GSE1: variants seen among roughly 807,000 people sequenced by gnomAD.
GSE1 encodes the protein genetic suppressor element 1.
In GSE1, 32 loss-of-function variants were observed where a neutral mutation model predicts 112.6. The ratio of observed to expected loss-of-function variants is 0.28; its 90% CI spans 0.21 to 0.38. The LOEUF (loss-of-function observed/expected upper bound fraction) is 0.38. Ranked by LOEUF, GSE1 falls within the 10% of genes least tolerant of loss-of-function variation. The pLI is 1.00. For synonymous variants in GSE1, 1,115 were observed against 735.6 expected (o/e 1.52, Z -8.35); for missense variants, 2,348 against 1,699.2 (o/e 1.38, Z -6.71).
intron 2 of GSE1, among the ~76,000 whole-genome samples, chr16:85,514,373 C>CT (rs34098338): frequency 1.4e-5 from 2 of 146,460 alleles, no homozygotes; most frequent in African/African-American, 5.1e-5. Flanking sequence ...CACCACCCCC[C>CT]CATCCTTTGC....
intron 1 of GSE1, among the ~76,000 whole-genome samples, chr16:85,212,529 C>T (rs756749632): frequency 2.0e-5 from 3 of 152,154 alleles, no homozygotes; most frequent in East Asian, 1.9e-4. Context: ...AGAGGATGAC[C>T]GTGTAAGGAC....
intron 2 of GSE1, among the ~76,000 whole-genome samples, chr16:85,518,315 A>C (rs943260781): frequency 1.3e-5 from 2 of 152,144 alleles, no homozygotes; most frequent in Admixed American, 1.3e-4. Flanking sequence ...TGGATGGGGC[A>C]GATTGTGGAA....
rs1024137025 is a variant in GSE1 at position 85,373,555 on chromosome 16, G to A, written c.2464+15912G>A. Among the ~76,000 whole-genome samples, 2 of 152,104 alleles carry A rather than the reference G, an allele frequency of 1.3e-5. No homozygotes were observed. The highest frequency in any genetic ancestry group is 4.8e-5 in the African/African-American group (2 of 41,406). On this transcript the variant is annotated intron_variant, in intron 2 of 2. Transcript: ENST00000637419. The surrounding 1 kb of genome is among the most constrained non-coding windows in gnomAD (Gnocchi z 5.1). ...CCCTGGGAGAATGGGCTGGGGCACT[G>A]TGTATAGCAGGGATTCAGTGACCGC...
intron 1 of GSE1, 32 bp downstream of exon 1, chr16:85,613,430 T>C: frequency 6.5e-7 from 1 of 1,527,654 alleles, no homozygotes; most frequent in Non-Finnish European, 8.8e-7. Context: ...GGGGACGGGG[T>C]CCTCCCCCCT....
At chr16:85,337,064 C>T (rs1287614170) in intron 1 of GSE1, among the ~76,000 whole-genome samples, 1 of 152,182 alleles carries the variant, frequency 6.6e-6, no homozygotes, top group African/African-American at 2.4e-5. Context: ...ATGCACACAC[C>T]CTGGGTCTGC....
At chr16:85,473,033 G>A (rs2050342504) in intron 2 of GSE1, among the ~76,000 whole-genome samples, 1 of 152,268 alleles carries the variant, frequency 6.6e-6, no homozygotes. Flanking sequence ...GGGGGCACAG[G>A]AGGTGCGCCC....
chr16:85,270,373 C>G (rs1463236834), intron 1 of GSE1, among the ~76,000 whole-genome samples: 1 of 148,884 alleles, frequency 6.7e-6, no homozygotes, highest in African/African-American at 2.4e-5. Context: ...TCCTTCTTCT[C>G]CTGGACATTT....
intron 2 of GSE1, among the ~76,000 whole-genome samples, chr16:85,637,075 C>T (rs565904587): frequency 5.9e-5 from 9 of 152,328 alleles, no homozygotes; most frequent in South Asian, 2.1e-4. Context: ...CCTGTAGAAG[C>T]GCATGATTTG....
intron 2 of GSE1, among the ~76,000 whole-genome samples, chr16:85,450,783 G>A (rs139609033): frequency 9.1e-4 from 139 of 152,024 alleles, no homozygotes; most frequent in African/African-American, 3.1e-3. Context: ...AGGTTTGGCC[G>A]GGCACGGTGG....
At chr16:85,310,895 C>G (rs998951562) in intron 1 of GSE1, among the ~76,000 whole-genome samples, 4 of 151,706 alleles carry the variant, frequency 2.6e-5, no homozygotes, top group Non-Finnish European at 1.5e-5. Context: ...TGTGTGTCTG[C>G]TCAGGGGCTG....
At chr16:85,207,570 G>T (rs1169072231) in intron 1 of GSE1, among the ~76,000 whole-genome samples, 2 of 132,962 alleles carry the variant, frequency 1.5e-5, no homozygotes, top group Non-Finnish European at 3.2e-5. Flanking sequence ...TCTTCTCAGA[G>T]CCTGCAGCCC....
intron 1 of GSE1, among the ~76,000 whole-genome samples, chr16:85,256,849 C>T (rs566533347): frequency 6.6e-6 from 1 of 152,386 alleles, no homozygotes; most frequent in South Asian, 2.1e-4. Flanking sequence ...ACTTATATTT[C>T]AATGAAACGC....
At chr16:85,662,303 AAGAGCAACCGAGCAGGCGAGAGTGTGC>A in intron 9 of GSE1, 1 of 155,108 alleles carries the variant, frequency 6.4e-6, no homozygotes, top group Non-Finnish European at 1.4e-5. Flanking sequence ...GAGAGCCAGG[AAGAGCAACCGAGCAGGCGAGAGTGTGC>A]AGAGGGGAGC....
chr16:85,286,991 C>T (rs1015491763), intron 1 of GSE1, among the ~76,000 whole-genome samples: 3 of 152,220 alleles, frequency 2.0e-5, no homozygotes, highest in African/African-American at 4.8e-5. Context: ...CGGGCTCCAG[C>T]GGGTCACTCT....
intron 2 of GSE1, among the ~76,000 whole-genome samples, chr16:85,385,492 G>T (rs558138065): frequency 6.6e-6 from 1 of 152,260 alleles, no homozygotes; most frequent in South Asian, 2.1e-4. Flanking sequence ...GTGGCAGACA[G>T]CTCCTTCTCG....
chr16:85,657,645 G>T, intron 8 of GSE1, 41 bp downstream of exon 8: 2 of 1,355,400 alleles, frequency 1.5e-6, no homozygotes, highest in Non-Finnish European at 2.0e-6. Context: ...GAGCCTTCAC[G>T]TTCCGATTTG....
chr16:85,338,237 C>T (rs2046547402), intron 1 of GSE1, among the ~76,000 whole-genome samples: 1 of 152,252 alleles, frequency 6.6e-6, no homozygotes, highest in Non-Finnish European at 1.5e-5. Context: ...CTCAGCATCT[C>T]CAGATGCGCC....
At chr16:85,566,936 C>G (rs922278027) in intron 1 of GSE1, among the ~76,000 whole-genome samples, 1 of 152,170 alleles carries the variant, frequency 6.6e-6, no homozygotes, top group African/African-American at 2.4e-5. Flanking sequence ...GGGGCGGTCA[C>G]GTAGGCCTCT....
At chr16:85,589,430 G>C (rs573847462) in intron 1 of GSE1, among the ~76,000 whole-genome samples, 1 of 152,206 alleles carries the variant, frequency 6.6e-6, no homozygotes, top group Non-Finnish European at 1.5e-5. Flanking sequence ...GACACGGCGC[G>C]GGTGGAGCCT....
Sources: gnomAD v4.1 joint callset for allele counts (sites outside exome capture counted in the v4.1 genomes callset) on GRCh38, gnomAD v4.1.1 for gene constraint, Gnocchi (gnomAD v3.1) non-coding constraint, MANE v1.5 for transcripts, NCBI Gene and HGNC (gene_info 2026-07-23, HGNC 2026-07-21) for gene names.